AGAP1: variants seen among roughly 807,000 people sequenced by gnomAD.
The protein encoded by AGAP1 is arf-GAP with GTPase, ANK repeat and PH domain-containing protein 1.
AGAP1 carries 29 observed loss-of-function variants against 105.3 expected under a neutral mutation model. That is an observed-to-expected ratio of 0.28 (90% CI 0.21 to 0.38). AGAP1 has a LOEUF of 0.38. Ranked by LOEUF, AGAP1 falls within the 10% of genes least tolerant of loss-of-function variation. AGAP1 has a pLI of 1.00. For missense variants in AGAP1, 998 were observed against 1,165.1 expected, an observed-to-expected ratio of 0.86 and a Z score of 2.09; for synonymous variants, 509 against 485.9, an observed-to-expected ratio of 1.05 and a Z score of -0.63.
At chr2:235,829,379 G>T (rs1363896055) in intron 9 of AGAP1, among the ~76,000 whole-genome samples, 3 of 152,220 alleles carry the variant, frequency 2.0e-5, no homozygotes, top group African/African-American at 7.2e-5. Flanking sequence ...TCCAAAGGGA[G>T]AAGTATTTTC....
At position 235,815,990 on chromosome 2, in the gene AGAP1, T is replaced by C. The variant is rs150008719; in HGVS notation, c.1050+8659T>C. On this transcript the variant is annotated intron_variant, in intron 9 of 17. Coordinates refer to ENST00000304032, the MANE Select transcript of AGAP1 (RefSeq NM_001037131.3). The stretch of plus-strand genomic sequence containing the variant: ...GGGCCGCGGGTAAATGTTGGGCCTG[T>C]AGCTGGGGATGTTCAGGAAGAGCCT... Among the ~76,000 whole-genome samples, 441 of 152,298 alleles carry C rather than the reference T, an allele frequency of 2.9e-3. 2 individuals are homozygous for C. Among genetic ancestry groups the C allele is most frequent in the East Asian group, 0.02 (104 of 5,166 alleles).
rs557627435 is a variant in AGAP1 at position 235,897,778 on chromosome 2, A to G, written c.1156-10960A>G. ...TCATGAGGAATGTTCTTTTACTTCT[A>G]CTAAGAAATTGAATTTCATTATTAT... On this transcript the variant is annotated intron_variant, in intron 10 of 17. Coordinates refer to ENST00000304032, the MANE Select transcript of AGAP1 (RefSeq NM_001037131.3). 7.9e-5 allele frequency among the ~76,000 whole-genome samples: 12 copies of G among 152,294 alleles called. No individual in the cohort carries two copies. In the South Asian group the frequency reaches 2.1e-3, roughly 26 times the overall value.
intron 12 of AGAP1, among the ~76,000 whole-genome samples, chr2:235,937,601 G>C (rs188281388): frequency 4.1e-4 from 62 of 152,334 alleles, no homozygotes; most frequent in Non-Finnish European, 7.6e-4. Flanking sequence ...AGGGAGTAGA[G>C]AAGGATATTG....
intron 13 of AGAP1, among the ~76,000 whole-genome samples, chr2:236,033,717 G>C (rs938658935): frequency 2.0e-5 from 3 of 152,222 alleles, no homozygotes; most frequent in Non-Finnish European, 4.4e-5. Context: ...GAGGGCAGCT[G>C]AGGACCACAG....
chr2:235,624,869 C>G (rs984078212), intron 1 of AGAP1, among the ~76,000 whole-genome samples: 2 of 152,082 alleles, frequency 1.3e-5, no homozygotes, highest in African/African-American at 4.8e-5. Context: ...CATGCAAATT[C>G]AATTTAAAGG....
In AGAP1 at chr2:235,930,171, T is replaced by G. The variant is rs1217114847; in HGVS notation, c.1325-594T>G. On this transcript the variant is annotated intron_variant, in intron 11 of 17. Coordinates refer to ENST00000304032, the MANE Select transcript of AGAP1 (RefSeq NM_001037131.3). The surrounding 1 kb of genome is among the most constrained non-coding windows in gnomAD (Gnocchi z 7.9). ...ATCACAGCCCCTGTGCTCTATGAAGTCACGCAGGTTGTTTTTCCTCTGCTT... is the reference window on the plus strand; with the variant it reads ...ATCACAGCCCCTGTGCTCTATGAAGGCACGCAGGTTGTTTTTCCTCTGCTT... Among the ~76,000 whole-genome samples, 1 of 151,886 alleles carries G rather than the reference T, an allele frequency of 6.6e-6. No individual in the cohort carries two copies. The highest frequency in any genetic ancestry group is 6.6e-5 in the Admixed American group (1 of 15,258).
At position 236,035,931 on chromosome 2, in the gene AGAP1, T is replaced by C. The variant is rs1023597211; in HGVS notation, c.1646-630T>C. Among the ~76,000 whole-genome samples, 1 of 151,586 alleles carries C rather than the reference T, an allele frequency of 6.6e-6. No individual in the cohort carries two copies. The highest frequency in any genetic ancestry group is 1.5e-5 in the Non-Finnish European group (1 of 67,782). The stretch of plus-strand genomic sequence containing the variant: ...AGATGTGGCAGGTGGGGTCGCAGGG[T>C]ATACCCCCAAGTTCCTCTCTTCCCA... On this transcript the variant is annotated intron_variant, in intron 13 of 17. Transcript: ENST00000304032. The surrounding 1 kb of genome is among the most constrained non-coding windows in gnomAD (Gnocchi z 4.2).
intron 6 of AGAP1, chr2:235,774,428 C>T (rs368182824): frequency 2.1e-6 from 1 of 467,292 alleles, no homozygotes; most frequent in African/African-American, 2.0e-5. Context: ...TCCATCACGG[C>T]AGGCAGTCAC....
At position 236,093,246 on chromosome 2, in the gene AGAP1, A is replaced by T. The variant is rs949647646; in HGVS notation, c.2115-26946A>T. ...CCGCCTCAAGGTGTCAGCCCAGGGA[A>T]ACTGAAGCTGCACCCCTGGGAGGGG... On this transcript the variant is annotated intron_variant, in intron 16 of 17. Transcript: ENST00000304032. 3.9e-5 allele frequency among the ~76,000 whole-genome samples: 6 copies of T among 152,266 alleles called. No homozygotes were observed. In the South Asian group the frequency reaches 1.2e-3, roughly 32 times the overall value.
At chr2:235,952,979 G>A (rs2053802093) in intron 12 of AGAP1, among the ~76,000 whole-genome samples, 1 of 152,228 alleles carries the variant, frequency 6.6e-6, no homozygotes, top group Non-Finnish European at 1.5e-5. Context: ...GTTAGAGCCA[G>A]GTGTGGCGGA....
In AGAP1 at chr2:235,982,026, TA is replaced by T. The variant is rs1368468339; in HGVS notation, c.1645+13408del. Among the ~76,000 whole-genome samples the T allele has an allele frequency of 2.6e-5, 4 of 152,188 alleles. No individual in the cohort carries two copies. The highest frequency in any genetic ancestry group is 5.9e-5 in the Non-Finnish European group (4 of 68,038). On this transcript the variant is annotated intron_variant, in intron 13 of 17. Coordinates refer to ENST00000304032, the MANE Select transcript of AGAP1 (RefSeq NM_001037131.3). The surrounding 1 kb of genome is among the most constrained non-coding windows in gnomAD (Gnocchi z 4.9). Reference sequence around the variant, plus strand: ...TTTTAATAAGTTAATATTCCAACCATAAAAACTTCTGACATTTTACCCGAGG... The same window carrying T: ...TTTTAATAAGTTAATATTCCAACCATAAAACTTCTGACATTTTACCCGAGG...
At chr2:236,041,468 C>T (rs766407499) in intron 15 of AGAP1, among the ~76,000 whole-genome samples, 10 of 151,938 alleles carry the variant, frequency 6.6e-5, no homozygotes, top group South Asian at 4.1e-4. Context: ...TTTGTGCCAT[C>T]GAGTACCCCA....
intron 1 of AGAP1, among the ~76,000 whole-genome samples, chr2:235,704,465 G>A (rs1172767870): frequency 6.6e-6 from 1 of 152,168 alleles, no homozygotes; most frequent in Non-Finnish European, 1.5e-5. Context: ...GGCCAACATG[G>A]TGAAACCCCG....
At chr2:235,684,516 G>T (rs943950798) in intron 1 of AGAP1, among the ~76,000 whole-genome samples, 1 of 152,200 alleles carries the variant, frequency 6.6e-6, no homozygotes. Context: ...GCTTCCTTTT[G>T]AGGATTTGCC....
Position 235,556,699 on chromosome 2 carries a change from A to G in AGAP1, c.163+61850A>G, listed in dbSNP as rs557276399. On this transcript the variant is annotated intron_variant, in intron 1 of 17. Coordinates refer to ENST00000304032, the MANE Select transcript of AGAP1 (RefSeq NM_001037131.3). This position sits in a 1 kb window ranked among gnomAD's most constrained non-coding sequence, Gnocchi z 5.3. ...TAACACAAATGAATGTAAGATAGTT[A>G]TATGTGTCTACTGCCTTAGAAAGTA... Among the ~76,000 whole-genome samples, 23 of 152,374 alleles carry G rather than the reference A, an allele frequency of 1.5e-4. No homozygotes were observed. In the East Asian group the frequency reaches 3.5e-3, roughly 23 times the overall value.
Position 236,027,480 on chromosome 2 carries a change from C to T in AGAP1, c.1646-9081C>T, listed in dbSNP as rs538983513. 1.3e-4 allele frequency among the ~76,000 whole-genome samples: 20 copies of T among 152,250 alleles called. No homozygotes were observed. Among genetic ancestry groups the T allele is most frequent in the Admixed American group, 3.9e-4 (6 of 15,290 alleles). On this transcript the variant is annotated intron_variant, in intron 13 of 17. Transcript: ENST00000304032. The surrounding 1 kb of genome is among the most constrained non-coding windows in gnomAD (Gnocchi z 4.4). ...GTCCTCCCGCCGGTGCCCACCTCTGCGCTGAGCATGTAGGGTTCCATCTCC... is the reference window on the plus strand; with the variant it reads ...GTCCTCCCGCCGGTGCCCACCTCTGTGCTGAGCATGTAGGGTTCCATCTCC...
At chr2:235,518,428 A>G (rs896806526) in intron 1 of AGAP1, among the ~76,000 whole-genome samples, 1 of 152,148 alleles carries the variant, frequency 6.6e-6, no homozygotes, top group African/African-American at 2.4e-5. Flanking sequence ...TACCTCTCAA[A>G]TTGCCTCTTC....
intron 16 of AGAP1, among the ~76,000 whole-genome samples, chr2:236,065,554 G>A (rs1194453053): frequency 6.6e-6 from 1 of 152,206 alleles, no homozygotes; most frequent in Non-Finnish European, 1.5e-5. Flanking sequence ...CCTGTGGACA[G>A]TTGGGTGATT....
rs566166577 is a variant in AGAP1, at chr2:235,897,710, A to G, written c.1156-11028A>G. On this transcript the variant is annotated intron_variant, in intron 10 of 17. Transcript: ENST00000304032. ...CCCTCTGGTTTCCTCAGCAACAGTA[A>G]GTCACAGCCGAGGACTCAGTAGGAG... Among the ~76,000 whole-genome samples the G allele has an allele frequency of 9.8e-5, 15 of 152,324 alleles. No individual in the cohort carries two copies. The East Asian group carries it at 2.7e-3, about 27-fold the overall frequency.
Sources: allele counts gnomAD v4.1 joint callset (sites outside exome capture counted in the v4.1 genomes callset), GRCh38; gene constraint gnomAD v4.1.1; non-coding constraint Gnocchi (gnomAD v3.1); transcripts MANE v1.5; gene names NCBI Gene and HGNC (gene_info 2026-07-23, HGNC 2026-07-21).